CRACD: variants seen among roughly 807,000 people sequenced by gnomAD.
CRACD encodes the protein capping protein-inhibiting regulator of actin dynamics.
CRACD carries 56 observed loss-of-function variants against 106.8 expected under a neutral mutation model. The observed-to-expected ratio is 0.52, with a 90% CI of 0.42 to 0.66. CRACD has a LOEUF of 0.66. CRACD is among the 30% of genes least tolerant of loss of function. The pLI, the probability that CRACD is intolerant of heterozygous loss-of-function variation, is 0.00. For missense variants in CRACD, 1,730 were observed against 1,623.2 expected, an observed-to-expected ratio of 1.07 and a Z score of -1.13; for synonymous variants, 754 against 670.8, an observed-to-expected ratio of 1.12 and a Z score of -1.92.
At position 56,307,622 on chromosome 4, in the gene CRACD, G is replaced by T. The variant is rs1744820402; in HGVS notation, c.208G>T (p.Glu70Ter). ...NKANSGEASLEEDLFLTSPME... is the reference protein window; with the variant it reads ...NKANSGEASL ...GGCAAACAGTGGAGAGGCTAGCTTAGAAGAGGATCTGTTCCTGACCAGTCC... is the reference window on the plus strand; with the variant it reads ...GGCAAACAGTGGAGAGGCTAGCTTATAAGAGGATCTGTTCCTGACCAGTCC... Residue 70 changes from glutamate to a stop codon, truncating the protein, a stop_gained, in exon 5 of 11, where the codon GAA (glutamate) becomes TAA (stop). Transcript: ENST00000682029. LOFTEE classifies it high-confidence loss of function. 1 of 1,614,082 alleles carries T rather than the reference G, an allele frequency of 6.2e-7. No individual in the cohort carries two copies. Among genetic ancestry groups the T allele is most frequent in the Non-Finnish European group, 8.5e-7 (1 of 1,180,048 alleles).
chr4:56,236,694 G>A (rs1168921956), intron 2 of CRACD, among the ~76,000 whole-genome samples: 1 of 147,844 alleles, frequency 6.8e-6, no homozygotes, highest in Non-Finnish European at 1.5e-5. Flanking sequence ...GGCAGCAAAA[G>A]AAAGATTAAT....
At chr4:56,141,542 A>G (rs1394654160) in intron 1 of CRACD, among the ~76,000 whole-genome samples, 1 of 151,990 alleles carries the variant, frequency 6.6e-6, no homozygotes, top group Non-Finnish European at 1.5e-5. Context: ...GCCTGCAGTG[A>G]GCTGTGATCG....
At chr4:56,184,838 G>A (rs1737015047) in intron 2 of CRACD, among the ~76,000 whole-genome samples, 1 of 152,186 alleles carries the variant, frequency 6.6e-6, no homozygotes. Flanking sequence ...GTAGATTGTT[G>A]AGCAATGAGA....
At chr4:56,200,999 A>C (rs978306661) in intron 2 of CRACD, among the ~76,000 whole-genome samples, 1 of 152,260 alleles carries the variant, frequency 6.6e-6, no homozygotes, top group Non-Finnish European at 1.5e-5. Flanking sequence ...AGAAGGAGAA[A>C]AAATACTGAT....
intron 1 of CRACD, among the ~76,000 whole-genome samples, chr4:56,150,340 C>T (rs933933222): frequency 2.0e-5 from 3 of 152,102 alleles, no homozygotes; most frequent in Non-Finnish European, 2.9e-5. Context: ...GTAGCTGGTA[C>T]GTAGTAAGCA....
At chr4:56,120,957 C>T (rs1056348715) in intron 1 of CRACD, among the ~76,000 whole-genome samples, 2 of 152,134 alleles carry the variant, frequency 1.3e-5, no homozygotes, top group Non-Finnish European at 2.9e-5. Flanking sequence ...CATCAGTCAG[C>T]GCTACTAGTT....
chr4:56,246,990 G>A (rs773544071), intron 2 of CRACD, among the ~76,000 whole-genome samples: 1 of 152,174 alleles, frequency 6.6e-6, no homozygotes, highest in African/African-American at 2.4e-5. Context: ...AAAAGTTCGA[G>A]TACATTCATA....
Position 56,324,237 on chromosome 4 carries a change from A to C in CRACD, c.3512A>C (p.Lys1171Thr). ...SRLERREQLK[K>T]ANTLPTSVTV... ...CTTGAGCGCAGAGAACAGCTGAAAA[A>C]GGCCAATACTCTTCCTACGTCTGTG... The change falls in exon 10 of 11, where the codon AAG (lysine) becomes ACG (threonine). Residue 1171 changes from lysine (K) to threonine (T), a missense_variant. By Grantham distance (78) the Lys-to-Thr change is moderately conservative (BLOSUM62 -1). This residue lies in a region of CRACD where 89 missense variants were observed against 89.6 expected (regional missense o/e 0.99). Coordinates refer to ENST00000682029, the MANE Select transcript of CRACD (RefSeq NM_001393381.1). 1.2e-6 allele frequency: 2 copies of C among 1,614,024 alleles called. No individual in the cohort carries two copies. The highest frequency in any genetic ancestry group is 4.5e-5 in the East Asian group (2 of 44,890).
intron 2 of CRACD, among the ~76,000 whole-genome samples, chr4:56,260,849 C>T (rs543884016): frequency 5.3e-5 from 8 of 152,194 alleles, no homozygotes; most frequent in African/African-American, 1.7e-4. Context: ...TATCATCTGT[C>T]TGTCTGTCTT....
At chr4:56,217,772 G>A (rs1560487787) in intron 2 of CRACD, among the ~76,000 whole-genome samples, 1 of 152,224 alleles carries the variant, frequency 6.6e-6, no homozygotes, top group Non-Finnish European at 1.5e-5. Context: ...TTCCCTCGAG[G>A]CCTGAATTAG....
intron 1 of CRACD, among the ~76,000 whole-genome samples, chr4:56,054,934 G>A (rs76072388): frequency 0.023 from 3,554 of 152,310 alleles, 62 homozygotes; most frequent in Admixed American, 0.058. Context: ...TTAGGGGATT[G>A]AGAAGAAATG....
chr4:56,328,043 G>C lies in CRACD; in HGVS notation c.*239G>C, dbSNP rs1419524908. The C allele has an allele frequency of 1.2e-5, 5 of 433,164 alleles. No homozygotes were observed. The East Asian group carries it at 2.1e-4, about 19-fold the overall frequency. 26.8% of individuals were successfully genotyped at this position (433,164 alleles called of 1,614,324 possible). On this transcript the variant is annotated 3_prime_UTR_variant, in exon 11 of 11. Coordinates refer to ENST00000682029, the MANE Select transcript of CRACD (RefSeq NM_001393381.1). Reference sequence around the variant, plus strand: ...TTCTCAAGAGAAAATTCCGTCCACAGGACCACATGAAGCAAAATCTCTAAG... The same window carrying C: ...TTCTCAAGAGAAAATTCCGTCCACACGACCACATGAAGCAAAATCTCTAAG...
chr4:56,315,403 C>G lies in CRACD; in HGVS notation c.1901C>G (p.Ala634Gly). The change falls in exon 8 of 11, where the codon GCT becomes GGT. Residue 634 changes from alanine to glycine, a missense_variant. Transcript: ENST00000682029. This position sits in a 1 kb window ranked among gnomAD's most constrained non-coding sequence, Gnocchi z 4.1. Reference sequence around the variant, plus strand: ...GAGAAGAAGCACGCGGAAGCCCCAGCTGGGGAGAACCCTCCCCGAGGCCCC... The same window carrying G: ...GAGAAGAAGCACGCGGAAGCCCCAGGTGGGGAGAACCCTCCCCGAGGCCCC... ...LEEKKHAEAP[A>G]GENPPRGPGD... 6.2e-7 allele frequency: 1 copy of G among 1,612,932 alleles called. No individual in the cohort carries two copies. The highest frequency in any genetic ancestry group is 1.1e-5 in the South Asian group (1 of 91,050).
intron 1 of CRACD, among the ~76,000 whole-genome samples, chr4:56,053,419 G>A (rs533815468): frequency 9.9e-5 from 15 of 152,102 alleles, no homozygotes; most frequent in South Asian, 8.3e-4. Context: ...GAAACACATT[G>A]TCAGGAAGAA....
At chr4:56,318,039 C>T (rs536820800) in intron 8 of CRACD, among the ~76,000 whole-genome samples, 7 of 152,276 alleles carry the variant, frequency 4.6e-5, no homozygotes, top group African/African-American at 1.4e-4. Context: ...ATTGTTTTCT[C>T]CTTTGTTCAA....
chr4:56,182,587 A>G (rs1254822196), intron 2 of CRACD, among the ~76,000 whole-genome samples: 1 of 152,084 alleles, frequency 6.6e-6, no homozygotes, highest in Non-Finnish European at 1.5e-5. Flanking sequence ...AGCTGACAAG[A>G]CACTGCCCTG....
At chr4:56,287,805 G>T (rs1303901341) in intron 3 of CRACD, among the ~76,000 whole-genome samples, 1 of 152,188 alleles carries the variant, frequency 6.6e-6, no homozygotes, top group African/African-American at 2.4e-5. Context: ...AGGAGGTGGA[G>T]TAAAGGAGAA....
intron 1 of CRACD, among the ~76,000 whole-genome samples, chr4:56,122,887 C>A (rs1403430258): frequency 6.6e-6 from 1 of 152,182 alleles, no homozygotes; most frequent in East Asian, 1.9e-4. Flanking sequence ...CACTAAAGGG[C>A]AGCTGGGGTG....
chr4:56,211,620 C>T (rs1738413309), intron 2 of CRACD, among the ~76,000 whole-genome samples: 1 of 152,194 alleles, frequency 6.6e-6, no homozygotes, highest in African/African-American at 2.4e-5. Context: ...AGGGGTCAGC[C>T]ACCCATGGTC....
Sources: gnomAD v4.1 joint callset for allele counts (sites outside exome capture counted in the v4.1 genomes callset) on GRCh38, gnomAD v4.1.1 for gene constraint, gnomAD v4.1.1 regional missense constraint, Gnocchi (gnomAD v3.1) non-coding constraint, MANE v1.5 for transcripts, NCBI Gene and HGNC (gene_info 2026-07-23, HGNC 2026-07-21) for gene names.